AGMO: variants seen among roughly 807,000 people sequenced by gnomAD.
AGMO encodes the protein glyceryl-ether monooxygenase.
AGMO carries 75 observed loss-of-function variants against 60.2 expected under a neutral mutation model. The observed-to-expected ratio is 1.25, with a 90% confidence interval of 1.03 to 1.51. The LOEUF (loss-of-function observed/expected upper bound fraction) is 1.51, where lower values mean the gene tolerates loss of function less well. Among genes scored for constraint, AGMO ranks in the 40% most tolerant of loss-of-function variants. The pLI is 0.00. For missense variants in AGMO, 763 were observed against 525.5 expected (o/e 1.45, Z -4.42); for synonymous variants, 261 against 177.1 (o/e 1.47, Z -3.76).
intron 12 of AGMO, among the ~76,000 whole-genome samples, chr7:15,234,712 T>C (rs538844723): frequency 5.9e-5 from 9 of 152,300 alleles, no homozygotes; most frequent in African/African-American, 7.2e-5. Flanking sequence ...AAAGTAACCA[T>C]AGACAGTCTG....
chr7:15,545,000 T>C, intron 2 of AGMO, 77 bp from the exon 3 acceptor site: 2 of 1,045,150 alleles, frequency 1.9e-6, no homozygotes, highest in South Asian at 2.9e-5. Flanking sequence ...TTAGATAACA[T>C]TTAAAATTAA....
intron 5 of AGMO, chr7:15,396,382 G>A (rs62439261): frequency 0.34 from 52,370 of 151,936 alleles, 9,375 homozygotes; most frequent in African/African-American, 0.45. Context: ...GTTACAGTTC[G>A]TAAAAGTGAC....
the AGMO span, among the ~76,000 whole-genome samples, chr7:15,158,223 T>C: frequency 6.6e-6 from 1 of 152,150 alleles, no homozygotes; most frequent in Non-Finnish European, 1.5e-5. Flanking sequence ...GCTCTGTTAC[T>C]AGGTTTGGAT....
At chr7:15,361,800 C>G (rs554024446) in intron 12 of AGMO, among the ~76,000 whole-genome samples, 4 of 152,136 alleles carry the variant, frequency 2.6e-5, no homozygotes, top group Admixed American at 6.5e-5. Context: ...GCACACACCT[C>G]CCAAATAATG....
intron 4 of AGMO, among the ~76,000 whole-genome samples, chr7:15,426,951 T>C (rs1009053302): frequency 6.6e-6 from 1 of 152,116 alleles, no homozygotes; most frequent in Non-Finnish European, 1.5e-5. Flanking sequence ...AAGTTTTGAC[T>C]AGCTCTGCAT....
chr7:15,363,031 G>C (rs1782824938), intron 12 of AGMO, among the ~76,000 whole-genome samples: 1 of 152,126 alleles, frequency 6.6e-6, no homozygotes, highest in African/African-American at 2.4e-5. Flanking sequence ...GATAATGGAA[G>C]TAACTACATC....
chr7:15,176,052 C>T, the AGMO span, among the ~76,000 whole-genome samples: 1 of 151,934 alleles, frequency 6.6e-6, no homozygotes, highest in African/African-American at 2.4e-5. Context: ...CAATAGGTAA[C>T]GACATTTATG....
At chr7:15,351,767 T>TG in intron 12 of AGMO, among the ~76,000 whole-genome samples, 1 of 152,250 alleles carries the variant, frequency 6.6e-6, no homozygotes, top group East Asian at 1.9e-4. Context: ...TTTTTAAAAA[T>TG]AACAAAGTAT....
Position 15,299,886 on chromosome 7 carries a change from C to CACACACACAA in AGMO, c.1263+65627_1263+65628insTTGTGTGTGT, listed in dbSNP as rs774065679. Among the ~76,000 whole-genome samples the CACACACACAA allele has an allele frequency of 6.6e-3, 762 of 114,670 alleles. 26 individuals are homozygous for CACACACACAA. Among genetic ancestry groups the CACACACACAA allele is most frequent in the African/African-American group, 0.012 (290 of 23,588 alleles). 75.2% of individuals were successfully genotyped at this position (114,670 alleles called of 152,430 possible). A position where few individuals can be genotyped will look rare whatever the true frequency, so the allele number is the denominator to read the frequency against. ...ACACACACACACACACACACACACACAGTATGTTTTGTGTTCAACATATCC... is the reference window on the plus strand; with the variant it reads ...ACACACACACACACACACACACACACACACACACAAAGTATGTTTTGTGTTCAACATATCC... On this transcript the variant is annotated intron_variant, in intron 12 of 12. Transcript: ENST00000342526.
chr7:15,358,936 T>A (rs1411157626), intron 12 of AGMO, among the ~76,000 whole-genome samples: 1 of 152,150 alleles, frequency 6.6e-6, no homozygotes, highest in African/African-American at 2.4e-5. Flanking sequence ...ACAATGGCAT[T>A]AAGATAAATA....
chr7:15,376,979 TAAA>T (rs1412119029), intron 10 of AGMO, among the ~76,000 whole-genome samples: 1 of 152,108 alleles, frequency 6.6e-6, no homozygotes, highest in Non-Finnish European at 1.5e-5. Context: ...CTTGCATACA[TAAA>T]ACAAGTAAGT....
At chr7:15,244,766 C>T (rs1782693301) in intron 12 of AGMO, among the ~76,000 whole-genome samples, 2 of 152,200 alleles carry the variant, frequency 1.3e-5, no homozygotes, top group South Asian at 4.1e-4. Context: ...TTTCTCCTGC[C>T]TCAGCCTCCC....
intron 12 of AGMO, among the ~76,000 whole-genome samples, chr7:15,299,722 G>A (rs2128525387): frequency 6.6e-6 from 1 of 152,046 alleles, no homozygotes; most frequent in African/African-American, 2.4e-5. Context: ...CAGCTACTTG[G>A]GAGGCTGAGG....
At chr7:15,316,202 A>G (rs934441759) in intron 12 of AGMO, among the ~76,000 whole-genome samples, 3 of 152,190 alleles carry the variant, frequency 2.0e-5, no homozygotes, top group African/African-American at 7.2e-5. Flanking sequence ...AGAGGACAGA[A>G]CACTTTAATT....
intron 2 of AGMO, among the ~76,000 whole-genome samples, chr7:15,545,652 C>G (rs1294641497): frequency 6.6e-6 from 1 of 152,028 alleles, no homozygotes; most frequent in African/African-American, 2.4e-5. Context: ...ACAATTGTTT[C>G]TAAAACTCAG....
intron 8 of AGMO, among the ~76,000 whole-genome samples, chr7:15,389,196 T>G (rs1348675992): frequency 1.3e-5 from 2 of 152,158 alleles, no homozygotes; most frequent in Non-Finnish European, 2.9e-5. Flanking sequence ...CACAGGATCT[T>G]GGACCAGACC....
At position 15,409,376 on chromosome 7, in the gene AGMO, G is replaced by C. The variant is rs115946492; in HGVS notation, c.609+9182C>G. On this transcript the variant is annotated intron_variant, in intron 5 of 12. Coordinates refer to ENST00000342526, the MANE Select transcript of AGMO (RefSeq NM_001004320.2). ...CAAGTGAAACCCAGATAAATGTATT[G>C]TTTGAGGAAAAAGTGTGACAAGTGA... Among the ~76,000 whole-genome samples the C allele has an allele frequency of 4.7e-3, 712 of 152,024 alleles. 6 individuals are homozygous for C. Among genetic ancestry groups the C allele is most frequent in the African/African-American group, 0.017 (696 of 41,536 alleles).
chr7:15,482,525 A>G (rs1782786238), intron 3 of AGMO, among the ~76,000 whole-genome samples: 1 of 152,138 alleles, frequency 6.6e-6, no homozygotes, highest in South Asian at 2.1e-4. Flanking sequence ...GCCCCATACT[A>G]AATACCCAGG....
chr7:15,179,977 C>T, the AGMO span, among the ~76,000 whole-genome samples: 694 of 152,248 alleles, frequency 4.6e-3, 3 homozygotes, highest in Non-Finnish European at 7.5e-3. Flanking sequence ...GAGTGGCAAA[C>T]CTATGGGGCA....
Sources: gnomAD v4.1 joint callset for allele counts (sites outside exome capture counted in the v4.1 genomes callset) on GRCh38, gnomAD v4.1.1 for gene constraint, MANE v1.5 for transcripts, NCBI Gene and HGNC (gene_info 2026-07-23, HGNC 2026-07-21) for gene names.